GALNTL6: variants seen among roughly 807,000 people sequenced by gnomAD.
GALNTL6 encodes the protein polypeptide N-acetylgalactosaminyltransferase-like 6.
GALNTL6 carries 46 observed loss-of-function variants against 73.7 expected under a neutral mutation model. The observed-to-expected ratio is 0.62, with a 90% CI of 0.49 to 0.80. GALNTL6 has a LOEUF of 0.80. GALNTL6 is among the 30% of genes least tolerant of loss of function. The probability of loss-of-function intolerance (pLI) is 0.00; values close to 1 mark genes in which losing one functional copy is unlikely to be tolerated. For missense variants in GALNTL6, 604 were observed against 755.0 expected (o/e 0.80, Z 2.34); for synonymous variants, 259 against 263.7 (o/e 0.98, Z 0.17).
chr4:172,181,966 C>G (rs1735260218), intron 2 of GALNTL6, among the ~76,000 whole-genome samples: 1 of 152,094 alleles, frequency 6.6e-6, no homozygotes, highest in Non-Finnish European at 1.5e-5. Flanking sequence ...ATCCGCCTGA[C>G]TCGGCCTCCC....
At chr4:172,463,041 T>G (rs1348781954) in intron 5 of GALNTL6, among the ~76,000 whole-genome samples, 1 of 152,198 alleles carries the variant, frequency 6.6e-6, no homozygotes, top group African/African-American at 2.4e-5. Context: ...CATTATAAGA[T>G]ATCTAAAACC....
intron 2 of GALNTL6, among the ~76,000 whole-genome samples, chr4:172,181,969 G>A (rs894002089): frequency 6.6e-6 from 1 of 151,816 alleles, no homozygotes; most frequent in Non-Finnish European, 1.5e-5. Flanking sequence ...CGCCTGACTC[G>A]GCCTCCCAAA....
Position 172,106,936 on chromosome 4 carries a change from C to T in GALNTL6, c.139-122720C>T, listed in dbSNP as rs557789268. Among the ~76,000 whole-genome samples, 12 of 152,330 alleles carry T rather than the reference C, an allele frequency of 7.9e-5. No individual in the cohort carries two copies. The South Asian group carries it at 8.3e-4, about 11-fold the overall frequency. ...TTGCCCAGGCTGGAGTGCCATGGCA[C>T]GATCTTGGCTCACCGCAACCTTTGC... On this transcript the variant is annotated intron_variant, in intron 2 of 12. Transcript: ENST00000506823.
chr4:172,713,225 T>C (rs1325524746), intron 5 of GALNTL6, among the ~76,000 whole-genome samples: 1 of 60,032 alleles, frequency 1.7e-5, no homozygotes, highest in African/African-American at 1.3e-4. Flanking sequence ...GAATAAGATG[T>C]GTGTGTGTGT....
intron 8 of GALNTL6, among the ~76,000 whole-genome samples, chr4:172,899,175 C>T (rs1380849598): frequency 1.3e-5 from 2 of 152,158 alleles, no homozygotes; most frequent in African/African-American, 4.8e-5. Context: ...AACTCAGTGT[C>T]TGAGGGGTTC....
intron 5 of GALNTL6, among the ~76,000 whole-genome samples, chr4:172,793,897 T>C (rs917453294): frequency 6.6e-6 from 1 of 152,202 alleles, no homozygotes; most frequent in African/African-American, 2.4e-5. Context: ...TTATTCTTAG[T>C]GACAGAAGTG....
At chr4:172,616,748 A>G (rs960707905) in intron 5 of GALNTL6, among the ~76,000 whole-genome samples, 3 of 152,020 alleles carry the variant, frequency 2.0e-5, no homozygotes, top group African/African-American at 7.2e-5. Flanking sequence ...TCTGTGAACA[A>G]CCCAGGCTAA....
intron 12 of GALNTL6, among the ~76,000 whole-genome samples, chr4:173,023,532 C>T (rs1203113960): frequency 6.6e-6 from 1 of 152,130 alleles, no homozygotes; most frequent in Non-Finnish European, 1.5e-5. Flanking sequence ...TGGTGCATGC[C>T]TATAGTCCCA....
chr4:171,938,140 C>G (rs77486695), intron 2 of GALNTL6, among the ~76,000 whole-genome samples: 6,443 of 152,050 alleles, frequency 0.042, 395 homozygotes, highest in African/African-American at 0.14. Flanking sequence ...CATTTCTTTT[C>G]AATAACTTGT....
chr4:172,716,262 G>A (rs1735084540), intron 5 of GALNTL6, among the ~76,000 whole-genome samples: 2 of 152,102 alleles, frequency 1.3e-5, no homozygotes, highest in African/African-American at 4.8e-5. Flanking sequence ...TAGTCCCTGG[G>A]CTAAGAAGCC....
intron 5 of GALNTL6, among the ~76,000 whole-genome samples, chr4:172,630,201 G>A (rs540332097): frequency 1.3e-5 from 2 of 152,108 alleles, no homozygotes; most frequent in African/African-American, 4.8e-5. Context: ...CCTAAAAAGA[G>A]AAAACATAAC....
chr4:172,940,200 T>G (rs867762699), intron 9 of GALNTL6, among the ~76,000 whole-genome samples: 1 of 151,504 alleles, frequency 6.6e-6, no homozygotes, highest in South Asian at 2.1e-4. Flanking sequence ...TTTTTTTTTT[T>G]TTTTTGAGAT....
chr4:172,443,522 A>C (rs1423996646), intron 5 of GALNTL6, among the ~76,000 whole-genome samples: 2 of 152,074 alleles, frequency 1.3e-5, no homozygotes, highest in Non-Finnish European at 2.9e-5. Flanking sequence ...TTAATACATA[A>C]AAAATCCTGT....
chr4:172,587,337 T>A (rs2110989180), intron 5 of GALNTL6, among the ~76,000 whole-genome samples: 1 of 152,318 alleles, frequency 6.6e-6, no homozygotes, highest in Admixed American at 6.5e-5. Context: ...GCCACATTAT[T>A]CCCCACCCAT....
chr4:172,686,003 T>A (rs1231568235), intron 5 of GALNTL6, among the ~76,000 whole-genome samples: 1 of 152,148 alleles, frequency 6.6e-6, no homozygotes, highest in Non-Finnish European at 1.5e-5. Context: ...TTGAGAGTAA[T>A]CAAATTCAAA....
At chr4:172,764,169 G>A (rs1322752356) in intron 5 of GALNTL6, among the ~76,000 whole-genome samples, 2 of 152,166 alleles carry the variant, frequency 1.3e-5, no homozygotes, top group Non-Finnish European at 2.9e-5. Context: ...TGTTGGTGAG[G>A]CTGGTCTCAA....
chr4:172,052,515 A>C (rs1246420647), intron 2 of GALNTL6: 21 of 1,534,318 alleles, frequency 1.4e-5, no homozygotes, highest in Non-Finnish European at 1.4e-5. Context: ...CACGGAGTGC[A>C]TGAGCTGGTT....
intron 5 of GALNTL6, among the ~76,000 whole-genome samples, chr4:172,594,143 A>C (rs1367562609): frequency 6.6e-6 from 1 of 152,054 alleles, no homozygotes; most frequent in Non-Finnish European, 1.5e-5. Context: ...TCAGGAGTTC[A>C]AGATCAGCCT....
At chr4:171,922,889 A>G (rs1375445999) in intron 2 of GALNTL6, among the ~76,000 whole-genome samples, 2 of 152,150 alleles carry the variant, frequency 1.3e-5, no homozygotes, top group African/African-American at 2.4e-5. Context: ...ATCAAGACGA[A>G]TGATGAAACC....
Sources: allele counts gnomAD v4.1 joint callset (sites outside exome capture counted in the v4.1 genomes callset), GRCh38; gene constraint gnomAD v4.1.1; transcripts MANE v1.5; gene names NCBI Gene and HGNC (gene_info 2026-07-23, HGNC 2026-07-21).